Variants in SGIP1 observed in about 807,000 individuals in gnomAD.
SGIP1 encodes the protein SH3GL interacting endocytic adaptor 1, also known as SH3-containing GRB2-like protein 3-interacting protein 1.
A neutral mutation model predicts 107.5 loss-of-function variants in SGIP1; 38 were observed. The observed-to-expected ratio is 0.35, with a 90% CI of 0.27 to 0.46. SGIP1 has a LOEUF of 0.46. Among genes scored for constraint, SGIP1 ranks in the 20% least tolerant of loss-of-function variants. SGIP1 has a pLI of 1.00. For synonymous variants in SGIP1, 365 were observed against 366.1 expected, an observed-to-expected ratio of 1.00 and a Z score of 0.03; for missense variants, 929 against 1,019.5, an observed-to-expected ratio of 0.91 and a Z score of 1.21.
chr1:66,571,998 A>G (rs1281495030), intron 1 of SGIP1, among the ~76,000 whole-genome samples: 4 of 152,010 alleles, frequency 2.6e-5, no homozygotes, highest in African/African-American at 9.7e-5. Flanking sequence ...TGACTCACTT[A>G]CAGGATTCAC....
At chr1:66,563,011 T>C (rs2059169334) in intron 1 of SGIP1, among the ~76,000 whole-genome samples, 1 of 151,968 alleles carries the variant, frequency 6.6e-6, no homozygotes, top group Non-Finnish European at 1.5e-5. Context: ...CTCTCTTGCA[T>C]GTGGTATTTA....
At chr1:66,703,877 T>A (rs77212940) in intron 18 of SGIP1, among the ~76,000 whole-genome samples, 1 of 127,490 alleles carries the variant, frequency 7.8e-6, no homozygotes. Flanking sequence ...AAGAACTCTG[T>A]GTGTGTGTGT....
At chr1:66,691,344 T>A (rs545038617) in intron 17 of SGIP1, among the ~76,000 whole-genome samples, 26 of 152,162 alleles carry the variant, frequency 1.7e-4, no homozygotes, top group Non-Finnish European at 3.5e-4. Context: ...GAACTGCCTA[T>A]TTTCCCAGAT....
intron 18 of SGIP1, 74 bp from the exon 19 acceptor site, chr1:66,719,220 A>G (rs2093401808): frequency 4.1e-6 from 4 of 970,264 alleles, no homozygotes; most frequent in Non-Finnish European, 4.6e-6. Flanking sequence ...TAATCCTTTA[A>G]TGGGCTTTTA....
intron 7 of SGIP1, among the ~76,000 whole-genome samples, chr1:66,655,751 T>C (rs9659879): frequency 0.65 from 98,068 of 151,892 alleles, 32,574 homozygotes; most frequent in East Asian, 1. Context: ...TTAAATGGTA[T>C]GCCTGTATAA....
intron 7 of SGIP1, among the ~76,000 whole-genome samples, chr1:66,649,176 A>G (rs1333236970): frequency 6.6e-6 from 1 of 152,148 alleles, no homozygotes; most frequent in Non-Finnish European, 1.5e-5. Context: ...GCAGCTTGGA[A>G]TTCTCTTGCC....
chr1:66,609,139 T>A (rs2067433509), intron 1 of SGIP1, among the ~76,000 whole-genome samples: 1 of 151,544 alleles, frequency 6.6e-6, no homozygotes, highest in Non-Finnish European at 1.5e-5. Flanking sequence ...GGATCACCAA[T>A]GGGCACAAGA....
intron 1 of SGIP1, among the ~76,000 whole-genome samples, chr1:66,619,394 G>A (rs959778036): frequency 6.6e-6 from 1 of 152,250 alleles, no homozygotes; most frequent in South Asian, 2.1e-4. Flanking sequence ...TTTCAAAGAC[G>A]GAACGCCCTC....
intron 5 of SGIP1, among the ~76,000 whole-genome samples, chr1:66,641,292 A>G (rs1282607295): frequency 3.9e-5 from 6 of 152,204 alleles, no homozygotes; most frequent in Admixed American, 3.9e-4. Flanking sequence ...ATGCATATCA[A>G]AACATATTGT....
intron 1 of SGIP1, among the ~76,000 whole-genome samples, chr1:66,552,219 T>G (rs2057522891): frequency 6.6e-6 from 1 of 152,166 alleles, no homozygotes; most frequent in African/African-American, 2.4e-5. Context: ...TATGCGGAGC[T>G]GCTTGATCAC....
chr1:66,600,566 A>G, intron 1 of SGIP1, among the ~76,000 whole-genome samples: 1 of 152,226 alleles, frequency 6.6e-6, no homozygotes, highest in East Asian at 1.9e-4. Flanking sequence ...CTGGGTGAAC[A>G]TGTGAGAAAG....
intron 1 of SGIP1, among the ~76,000 whole-genome samples, chr1:66,596,859 C>G (rs1426988951): frequency 6.6e-6 from 1 of 151,992 alleles, no homozygotes; most frequent in East Asian, 1.9e-4. Flanking sequence ...GCAATTGCAT[C>G]TATTTCAATT....
chr1:66,670,206 T>C (rs2083459410), intron 9 of SGIP1, among the ~76,000 whole-genome samples: 1 of 152,232 alleles, frequency 6.6e-6, no homozygotes, highest in African/African-American at 2.4e-5. Flanking sequence ...TAAGAACTTT[T>C]CACAACTTCT....
intron 8 of SGIP1, among the ~76,000 whole-genome samples, chr1:66,661,205 G>A (rs1459675723): frequency 6.6e-6 from 1 of 152,166 alleles, no homozygotes; most frequent in Non-Finnish European, 1.5e-5. Flanking sequence ...TCTCTTCTTG[G>A]TTGCCTGGTT....
At chr1:66,717,539 C>G (rs1260659468) in intron 18 of SGIP1, among the ~76,000 whole-genome samples, 1 of 152,064 alleles carries the variant, frequency 6.6e-6, no homozygotes, top group Non-Finnish European at 1.5e-5. Flanking sequence ...ATTTAGAGCT[C>G]CGTGGGCAGA....
Position 66,750,724 on chromosome 1 carries a change from T to C in SGIP1, c.*7629T>C, listed in dbSNP as rs1311884592. 6.6e-6 allele frequency among the ~76,000 whole-genome samples: 1 copy of C among 152,240 alleles called. No homozygotes were observed. The highest frequency in any genetic ancestry group is 2.4e-5 in the African/African-American group (1 of 41,458). Reference sequence around the variant, plus strand: ...ACTGCTTAGTCTGTAATGAAAGCTTTACTGCTTCTATGCTGTGCTCAAGAG... The same window carrying C: ...ACTGCTTAGTCTGTAATGAAAGCTTCACTGCTTCTATGCTGTGCTCAAGAG... On this transcript the variant is annotated 3_prime_UTR_variant, in exon 25 of 25. Coordinates refer to ENST00000371037, the MANE Select transcript of SGIP1 (RefSeq NM_032291.4).
chr1:66,592,380 C>T (rs1405218879), intron 1 of SGIP1, among the ~76,000 whole-genome samples: 5 of 152,184 alleles, frequency 3.3e-5, no homozygotes, highest in African/African-American at 1.2e-4. Flanking sequence ...TCCATTAAAC[C>T]TTGAGTCAAC....
chr1:66,562,503 G>A (rs1226258576), intron 1 of SGIP1, among the ~76,000 whole-genome samples: 2 of 152,026 alleles, frequency 1.3e-5, no homozygotes, highest in Non-Finnish European at 2.9e-5. Context: ...GTGGAAGCAC[G>A]AAGCTGAGAA....
chr1:66,720,954 G>A (rs1185738354), intron 19 of SGIP1, among the ~76,000 whole-genome samples: 1 of 151,990 alleles, frequency 6.6e-6, no homozygotes, highest in Non-Finnish European at 1.5e-5. Flanking sequence ...ATATTATACT[G>A]GAAAACTAAT....
Sources: allele counts gnomAD v4.1 joint callset (sites outside exome capture counted in the v4.1 genomes callset), GRCh38; gene constraint gnomAD v4.1.1; transcripts MANE v1.5; gene names NCBI Gene and HGNC (gene_info 2026-07-23, HGNC 2026-07-21).